TACC2: variants seen among roughly 807,000 people sequenced by gnomAD.
TACC2 encodes transforming acidic coiled-coil containing protein 2.
A neutral mutation model predicts 227.3 loss-of-function variants in TACC2; 137 were observed. That is an observed-to-expected ratio of 0.60 (90% confidence interval 0.52 to 0.69). TACC2 has a LOEUF of 0.69. TACC2 is among the 30% of genes least tolerant of loss of function. The probability of loss-of-function intolerance (pLI) is 0.00; values close to 1 mark genes in which losing one functional copy is unlikely to be tolerated. For missense variants in TACC2, 3,470 were observed against 3,694.4 expected (o/e 0.94, Z 1.57); for synonymous variants, 1,523 against 1,487.5 (o/e 1.02, Z -0.55).
At chr10:122,230,232 T>G (rs2095710196) in intron 15 of TACC2, 119 bp from the exon 16 acceptor site, 1 of 805,906 alleles carries the variant, frequency 1.2e-6, no homozygotes, top group East Asian at 2.5e-5. Flanking sequence ...GGAGCGCGTG[T>G]TTTTCCCGAG....
At chr10:122,222,763 G>A (rs1052946579) in intron 11 of TACC2, among the ~76,000 whole-genome samples, 12 of 152,200 alleles carry the variant, frequency 7.9e-5, no homozygotes, top group African/African-American at 2.7e-4. Flanking sequence ...AAAACTCTGC[G>A]GTGGTCTGTT....
intron 7 of TACC2, chr10:122,163,537 T>G: frequency 1.0e-6 from 1 of 985,026 alleles, no homozygotes; most frequent in Non-Finnish European, 1.2e-6. Flanking sequence ...GATGCAGGCG[T>G]TGGGGCTGCT....
intron 14 of TACC2, 94 bp downstream of exon 14, chr10:122,228,102 C>T (rs2141378870): frequency 7.7e-7 from 1 of 1,303,816 alleles, no homozygotes; most frequent in African/African-American, 1.5e-5. Context: ...GAGCAACACT[C>T]ACCTGGCACC....
intron 7 of TACC2, among the ~76,000 whole-genome samples, chr10:122,146,869 G>A (rs1023996021): frequency 6.6e-6 from 1 of 152,150 alleles, no homozygotes; most frequent in African/African-American, 2.4e-5. Context: ...CCTCTTGGCT[G>A]TGGCTGTTTC....
At chr10:122,241,357 T>A (rs1433394751) in intron 18 of TACC2, among the ~76,000 whole-genome samples, 1 of 152,132 alleles carries the variant, frequency 6.6e-6, no homozygotes, top group African/African-American at 2.4e-5. Flanking sequence ...AGTGGCACAA[T>A]CATAGCTCAC....
At chr10:122,179,133 A>G (rs1025114982) in intron 7 of TACC2, among the ~76,000 whole-genome samples, 2 of 152,210 alleles carry the variant, frequency 1.3e-5, no homozygotes, top group African/African-American at 2.4e-5. Context: ...GTCAGTTTCA[A>G]TACCTTATCC....
intron 9 of TACC2, 28 bp downstream of exon 9, chr10:122,211,736 A>G: frequency 6.6e-7 from 1 of 1,520,040 alleles, no homozygotes; most frequent in Non-Finnish European, 8.8e-7. Flanking sequence ...GGTGGTAAGG[A>G]TCAGAGGCGG....
intron 7 of TACC2, among the ~76,000 whole-genome samples, chr10:122,177,471 A>G (rs1428662642): frequency 6.6e-6 from 1 of 152,104 alleles, no homozygotes; most frequent in Non-Finnish European, 1.5e-5. Flanking sequence ...TGGGAGGCTG[A>G]GGCAGGAGGG....
chr10:122,088,068 A>T, intron 4 of TACC2, 109 bp downstream of exon 4: 2 of 1,197,784 alleles, frequency 1.7e-6, no homozygotes, highest in South Asian at 4.7e-5. Context: ...CTAAAAGCTG[A>T]GTTTTCCATA....
At chr10:122,198,723 C>T (rs2094669142) in intron 8 of TACC2, among the ~76,000 whole-genome samples, 1 of 152,238 alleles carries the variant, frequency 6.6e-6, no homozygotes, top group Admixed American at 6.5e-5. Context: ...GCCCGGCTCC[C>T]TTCCATTTGG....
At chr10:122,158,441 A>C (rs1288011616) in intron 7 of TACC2, among the ~76,000 whole-genome samples, 1 of 152,112 alleles carries the variant, frequency 6.6e-6, no homozygotes, top group Non-Finnish European at 1.5e-5. Flanking sequence ...AACAAAAGTC[A>C]GTCTCATCTG....
At chr10:122,092,234 G>C (rs971281486) in intron 5 of TACC2, among the ~76,000 whole-genome samples, 1 of 152,218 alleles carries the variant, frequency 6.6e-6, no homozygotes, top group Non-Finnish European at 1.5e-5. Context: ...TGGCTGAGGA[G>C]AGTGAATTCT....
At position 122,086,691 on chromosome 10, in the gene TACC2, G is replaced by A; in HGVS notation, c.4191G>A (p.Glu1397=). 1.2e-6 allele frequency: 2 copies of A among 1,613,742 alleles called. No homozygotes were observed. The highest frequency in any genetic ancestry group is 1.1e-5 in the South Asian group (1 of 91,028). The stretch of plus-strand genomic sequence containing the variant: ...CAGGTGGTGTGGACACAAGCTCTGA[G>A]CAAATCGCCACCCTCACTGGCTTCC... The part of the protein sequence containing the change: ...GTSGGVDTSS[E]QIATLTGFPD... Residue 1397 remains glutamate (E), a synonymous_variant, in exon 4 of 23, where the codon GAG becomes GAA. Transcript: ENST00000369005.
intron 7 of TACC2, among the ~76,000 whole-genome samples, chr10:122,158,146 G>A (rs950421222): frequency 6.6e-6 from 1 of 152,158 alleles, no homozygotes; most frequent in African/African-American, 2.4e-5. Context: ...CCAGCACTTT[G>A]GGAGGCCAAG....
intron 7 of TACC2, chr10:122,192,506 C>T (rs2094442214): frequency 2.8e-6 from 1 of 358,296 alleles, no homozygotes; most frequent in South Asian, 2.0e-5. Context: ...CCTCGAATCT[C>T]TGCTTGAGTG....
At chr10:122,235,846 G>A (rs760724818) in intron 16 of TACC2, among the ~76,000 whole-genome samples, 1 of 152,092 alleles carries the variant, frequency 6.6e-6, no homozygotes, top group Admixed American at 6.5e-5. Context: ...TCACATGAGC[G>A]AGTCTCTGGG....
chr10:122,183,739 C>G (rs751982428), intron 7 of TACC2, among the ~76,000 whole-genome samples: 9 of 152,166 alleles, frequency 5.9e-5, no homozygotes, highest in Non-Finnish European at 1.0e-4. Flanking sequence ...CCAGCCTGTT[C>G]ACATACAGGA....
At chr10:122,140,679 C>T (rs72840839) in intron 6 of TACC2, among the ~76,000 whole-genome samples, 7,034 of 152,244 alleles carry the variant, frequency 0.046, 249 homozygotes, top group Admixed American at 0.083. Context: ...GTTCAGGGCC[C>T]GACTTCCTGA....
chr10:122,044,069 C>T (rs10788232), intron 2 of TACC2, among the ~76,000 whole-genome samples: 82,519 of 152,110 alleles, frequency 0.54, 24,237 homozygotes, highest in Non-Finnish European at 0.66. Flanking sequence ...TCAAAACACA[C>T]GTCAAACTCT....
Sources: gnomAD v4.1 joint callset for allele counts (sites outside exome capture counted in the v4.1 genomes callset) on GRCh38, gnomAD v4.1.1 for gene constraint, MANE v1.5 for transcripts, NCBI Gene and HGNC (gene_info 2026-07-23, HGNC 2026-07-21) for gene names.